The following VNN1 variants were observed in gnomAD, a reference collection of about 807,000 sequenced individuals.
VNN1 encodes the protein pantetheinase.
In VNN1, 29 loss-of-function variants were observed where a neutral mutation model predicts 41.9. That is an observed-to-expected ratio of 0.69 (90% CI 0.52 to 0.94). VNN1 has a LOEUF of 0.94. VNN1 is among the 40% of genes least tolerant of loss of function. VNN1 has a pLI of 0.00. For synonymous variants in VNN1, 233 were observed against 224.4 expected, an observed-to-expected ratio of 1.04 and a Z score of -0.34; for missense variants, 637 against 621.1, an observed-to-expected ratio of 1.03 and a Z score of -0.27.
chr6:132,710,537 G>C (rs769559911), intron 2 of VNN1, among the ~76,000 whole-genome samples: 1 of 151,938 alleles, frequency 6.6e-6, no homozygotes, highest in African/African-American at 2.4e-5. Flanking sequence ...CCGACTCCCC[G>C]ACAGGCCCCG....
Position 132,694,149 on chromosome 6 carries a change from G to C in VNN1, c.375C>G (p.Ser125Arg). The change falls in exon 3 of 7, where the codon AGC (serine) becomes AGG (arginine). Residue 125 changes from serine to arginine, a missense_variant. Physicochemically the swap from Ser to Arg is moderately radical, Grantham distance 110. Transcript: ENST00000367928. ...AGATAGAGTTGTTCTTGGCCAGGCAGCTGAGTCTTTCTTGTACTGGGGTCT... is the reference window on the plus strand; with the variant it reads ...AGATAGAGTTGTTCTTGGCCAGGCACCTGAGTCTTTCTTGTACTGGGGTCT... ...FGQTPVQERL[S>R]CLAKNNSIYV... is the part of the protein sequence containing the mutation. 6.2e-7 allele frequency: 1 copy of C among 1,612,278 alleles called. No homozygotes were observed. The highest frequency in any genetic ancestry group is 1.1e-5 in the South Asian group (1 of 90,726).
rs1316905736 is a variant in VNN1, at chr6:132,681,321, A to G, written c.*1819T>C. Among the ~76,000 whole-genome samples the G allele has an allele frequency of 6.6e-6, 1 of 152,174 alleles. No homozygotes were observed. Among genetic ancestry groups the G allele is most frequent in the Non-Finnish European group, 1.5e-5 (1 of 68,040 alleles). On this transcript the variant is annotated 3_prime_UTR_variant, in exon 7 of 7. Transcript: ENST00000367928. ...GCATCCTAAAGAATGGAGGCCTGGC[A>G]ACCGCCGTGAGTGAGCTGAGAAGCA... is the stretch of plus-strand genomic sequence containing the variant.
intron 1 of VNN1, among the ~76,000 whole-genome samples, chr6:132,713,586 G>A (rs747579509): frequency 6.6e-6 from 1 of 152,142 alleles, no homozygotes; most frequent in Non-Finnish European, 1.5e-5. Flanking sequence ...TTCCTCAAAG[G>A]TCTGCTGCTT....
chr6:132,692,609 C>A (rs1778308959), intron 4 of VNN1, 25 bp from the exon 5 acceptor site: 1 of 1,528,526 alleles, frequency 6.5e-7, no homozygotes, highest in South Asian at 1.3e-5. Context: ...TTGAAAACAT[C>A]ATTTGAAATT....
Position 132,692,654 on chromosome 6 carries a change from T to A in VNN1, c.827-70A>T, listed in dbSNP as rs921410572. Reference sequence around the variant, plus strand: ...AAAGGGATTTCATAATTGTTATTACTATTTTAACCTCATATTCACATTTTA... The same window carrying A: ...AAAGGGATTTCATAATTGTTATTACAATTTTAACCTCATATTCACATTTTA... On this transcript the variant is annotated intron_variant, in intron 4 of 6. Transcript: ENST00000367928. 2.0e-6 allele frequency: 3 copies of A among 1,484,864 alleles called. No homozygotes were observed. The African/African-American group carries it at 4.2e-5, about 21-fold the overall frequency. 92.0% of individuals were successfully genotyped at this position (1,484,864 alleles called of 1,614,324 possible).
intron 6 of VNN1, 87 bp downstream of exon 6, chr6:132,684,245 TATG>T: frequency 7.6e-7 from 1 of 1,322,272 alleles, no homozygotes; most frequent in Non-Finnish European, 1.0e-6. Context: ...ATGGAAATTT[TATG>T]ATATTTGTAA....
intron 2 of VNN1, among the ~76,000 whole-genome samples, chr6:132,696,464 C>A (rs556862644): frequency 2.6e-3 from 397 of 152,216 alleles, no homozygotes; most frequent in Non-Finnish European, 4.2e-3. Flanking sequence ...AGAAGCTCAA[C>A]AAACTCCAAG....
intron 5 of VNN1, among the ~76,000 whole-genome samples, chr6:132,686,486 G>T (rs1467231831): frequency 6.6e-6 from 1 of 152,122 alleles, no homozygotes; most frequent in Non-Finnish European, 1.5e-5. Flanking sequence ...TTTACCTGGA[G>T]ATCCTGTATT....
intron 2 of VNN1, among the ~76,000 whole-genome samples, chr6:132,709,055 G>A (rs934653741): frequency 2.0e-5 from 3 of 151,986 alleles, no homozygotes; most frequent in Non-Finnish European, 2.9e-5. Flanking sequence ...GATGCCCTCA[G>A]ACGACCTTTT....
At chr6:132,698,869 G>A (rs1205403573) in intron 2 of VNN1, 1 of 217,728 alleles carries the variant, frequency 4.6e-6, no homozygotes. Flanking sequence ...GTCAGTTAAA[G>A]ATCTGTGGTT....
chr6:132,691,787 G>A lies in VNN1; in HGVS notation c.1188+436C>T, dbSNP rs35228045. Among the ~76,000 whole-genome samples, 64 of 151,874 alleles carry A rather than the reference G, an allele frequency of 4.2e-4. 1 individual carries two copies. Among genetic ancestry groups the A allele is most frequent in the African/African-American group, 1.5e-3 (63 of 41,408 alleles). On this transcript the variant is annotated intron_variant, in intron 5 of 6. Transcript: ENST00000367928. ...TGAGGTGGGCGGATCACCTGAGCTC[G>A]GGGAGTTTGAGACCACCCTGGCCAA...
At chr6:132,710,999 G>C (rs946199840) in intron 2 of VNN1, among the ~76,000 whole-genome samples, 8 of 152,190 alleles carry the variant, frequency 5.3e-5, no homozygotes, top group Admixed American at 3.9e-4. Flanking sequence ...CAGTGTAAAA[G>C]AGTTCCCCTT....
chr6:132,684,158 G>A (rs1203976169), intron 6 of VNN1, among the ~76,000 whole-genome samples, 177 bp downstream of exon 6: 1 of 152,138 alleles, frequency 6.6e-6, no homozygotes, highest in Non-Finnish European at 1.5e-5. Flanking sequence ...TAATTATTAT[G>A]TTAAGAATTT....
intron 5 of VNN1, among the ~76,000 whole-genome samples, chr6:132,688,627 TAAAAA>T (rs923941484): frequency 6.6e-6 from 1 of 152,140 alleles, no homozygotes; most frequent in African/African-American, 2.4e-5. Flanking sequence ...TTTTTTAACT[TAAAAA>T]TAATACATCA....
At position 132,713,849 on chromosome 6, in the gene VNN1, C is replaced by T; in HGVS notation, c.187G>A (p.Ala63Thr). Residue 63 changes from alanine to threonine, a missense_variant, in exon 1 of 7, where the codon GCG becomes ACG. By Grantham distance (58) the Ala-to-Thr change is moderately conservative. Coordinates refer to ENST00000367928, the MANE Select transcript of VNN1 (RefSeq NM_004666.3). ...MNRNLDILEG[A>T]ITSAADQGAH... ...ACCTGATCTGCTGCTGATGTGATCG[C>T]TCCTTCCAAAATGTCCAGATTCCGA... 4 of 1,613,140 alleles carry T rather than the reference C, an allele frequency of 2.5e-6. No individual in the cohort carries two copies. The highest frequency in any genetic ancestry group is 3.4e-6 in the Non-Finnish European group (4 of 1,180,016).
chr6:132,694,948 TTCGA>T, intron 2 of VNN1, among the ~76,000 whole-genome samples: 3 of 152,026 alleles, frequency 2.0e-5, no homozygotes, highest in African/African-American at 7.3e-5. Flanking sequence ...AGGTCAGGAG[TTCGA>T]GACCAGCCAG....
chr6:132,697,272 T>C (rs1001913892), intron 2 of VNN1, among the ~76,000 whole-genome samples: 18 of 152,156 alleles, frequency 1.2e-4, no homozygotes, highest in African/African-American at 4.3e-4. Flanking sequence ...AGAAGCAACC[T>C]GGTCAAAATT....
At chr6:132,693,001 A>G in intron 4 of VNN1, 23 bp downstream of exon 4, 3 of 1,570,298 alleles carry the variant, frequency 1.9e-6, no homozygotes, top group Non-Finnish European at 1.7e-6. Flanking sequence ...ATCAGCCTGC[A>G]TATCTTTAAG....
intron 6 of VNN1, 128 bp from the exon 7 acceptor site, chr6:132,683,450 T>C: frequency 9.7e-7 from 1 of 1,027,558 alleles, no homozygotes; most frequent in Non-Finnish European, 1.4e-6. Flanking sequence ...ATCAGAAAAA[T>C]TTGAAATGTT....
Sources: gnomAD v4.1 joint callset for allele counts (sites outside exome capture counted in the v4.1 genomes callset) on GRCh38, gnomAD v4.1.1 for gene constraint, MANE v1.5 for transcripts, NCBI Gene and HGNC (gene_info 2026-07-23, HGNC 2026-07-21) for gene names.